The following FBN2 variants were observed in gnomAD, a reference collection of about 807,000 sequenced individuals.
FBN2 encodes fibrillin 2.
Under a neutral mutation model 355.6 loss-of-function variants are expected in FBN2, and 105 were observed. The observed-to-expected ratio is 0.30, with a 90% CI of 0.25 to 0.35. The LOEUF (loss-of-function observed/expected upper bound fraction) is 0.35. Ranked by LOEUF, FBN2 falls within the 10% of genes least tolerant of loss-of-function variation. The pLI is 1.00. For synonymous variants in FBN2, 1,350 were observed against 1,301.2 expected (o/e 1.04, Z -0.81); for missense variants, 3,280 against 3,758.7 (o/e 0.87, Z 3.33).
intron 7 of FBN2, among the ~76,000 whole-genome samples, chr5:128,436,664 CT>C (rs201918865): frequency 6.0e-4 from 82 of 137,084 alleles, no homozygotes; most frequent in African/African-American, 1.5e-3. Flanking sequence ...AGTGGCTCCA[CT>C]TAAAAAAAAA....
At chr5:128,390,529 T>G (rs1214933192) in intron 11 of FBN2, among the ~76,000 whole-genome samples, 1 of 152,204 alleles carries the variant, frequency 6.6e-6, no homozygotes, top group East Asian at 1.9e-4. Flanking sequence ...AAGAATATAA[T>G]TGGTGAAGCC....
chr5:128,496,068 G>A (rs188827585), intron 5 of FBN2, among the ~76,000 whole-genome samples: 1 of 151,964 alleles, frequency 6.6e-6, no homozygotes, highest in South Asian at 2.1e-4. Context: ...ACAAAGAAAG[G>A]CCCAGGCCCA....
chr5:128,292,883 C>G (rs1323956576), intron 48 of FBN2, among the ~76,000 whole-genome samples: 2 of 152,152 alleles, frequency 1.3e-5, no homozygotes, highest in Middle Eastern at 3.2e-3. Context: ...TAACCTCCTG[C>G]GGTGCTCCCA....
intron 55 of FBN2, among the ~76,000 whole-genome samples, chr5:128,286,245 T>G (rs986367983): frequency 6.6e-6 from 1 of 152,202 alleles, no homozygotes; most frequent in African/African-American, 2.4e-5. Context: ...ATTTGTTGTA[T>G]ATATAATTTT....
intron 59 of FBN2, 51 bp downstream of exon 59, chr5:128,275,987 G>T: frequency 6.3e-7 from 1 of 1,598,666 alleles, no homozygotes; most frequent in Non-Finnish European, 8.6e-7. Flanking sequence ...ATTTAAATTT[G>T]AAAGAAAAGA....
At chr5:128,497,435 C>A (rs1422286853) in intron 5 of FBN2, among the ~76,000 whole-genome samples, 1 of 152,174 alleles carries the variant, frequency 6.6e-6, no homozygotes, top group East Asian at 1.9e-4. Flanking sequence ...GTGGGGGCAA[C>A]AAGTCCACTT....
At chr5:128,308,695 C>T (rs1749951755) in intron 41 of FBN2, among the ~76,000 whole-genome samples, 1 of 151,846 alleles carries the variant, frequency 6.6e-6, no homozygotes, top group Admixed American at 6.6e-5. Context: ...AAAACATGAC[C>T]AAGTGAAGAC....
At chr5:128,328,288 AC>A in intron 34 of FBN2, 1 of 382,342 alleles carries the variant, frequency 2.6e-6, no homozygotes, top group South Asian at 2.6e-5. Context: ...AGCAGTCTCA[AC>A]CACGAAGGTA....
chr5:128,303,940 C>T (rs977736275), intron 45 of FBN2, among the ~76,000 whole-genome samples: 1 of 152,034 alleles, frequency 6.6e-6, no homozygotes, highest in Non-Finnish European at 1.5e-5. Context: ...CCTGTATATT[C>T]CTTTGTATAA....
chr5:128,335,521 C>T lies in FBN2; in HGVS notation c.3781G>A (p.Glu1261Lys), dbSNP rs914064135. The T allele has an allele frequency of 6.2e-7, 1 of 1,613,934 alleles. No homozygotes were observed. Among genetic ancestry groups the T allele is most frequent in the African/African-American group, 1.3e-5 (1 of 75,052 alleles). ...GGCDTQCTNS[E>K]GSYECSCSEG... is the part of the protein sequence containing the mutation. ...CTGCAGCTGCATTCGTAGCTTCCCT[C>T]TGAATTTGTGCACTGGGTGTCACAG... Residue 1261 changes from glutamate to lysine, a missense_variant, in exon 29 of 65, where the codon GAG (glutamate) becomes AAG (lysine). By Grantham distance (56) the Glu-to-Lys change is moderately conservative (BLOSUM62 1). Around this residue, in one of 6 missense-constraint regions of FBN2, gnomAD observed 2,284 missense variants for 2,749.5 expected, o/e 0.83. Coordinates refer to ENST00000262464, the MANE Select transcript of FBN2 (RefSeq NM_001999.4).
chr5:128,345,653 G>A lies in FBN2; in HGVS notation c.2990-69C>T, dbSNP rs148609698. The A allele has an allele frequency of 1.6e-4, 226 of 1,398,442 alleles. No individual in the cohort carries two copies. In the African/African-American group the frequency reaches 2.6e-3, roughly 16 times the overall value. 86.6% of individuals were successfully genotyped at this position (1,398,442 alleles called of 1,614,324 possible). On this transcript the variant is annotated intron_variant, in intron 23 of 64. Transcript: ENST00000262464. The stretch of plus-strand genomic sequence containing the variant: ...TCCATTGAACAGTCACATGTCAAGC[G>A]TCTGCTCAGCACCAGGCATCATGCA...
At chr5:128,519,711 C>T (rs1427990549) in intron 4 of FBN2, among the ~76,000 whole-genome samples, 5 of 151,126 alleles carry the variant, frequency 3.3e-5, no homozygotes, top group African/African-American at 1.2e-4. Context: ...GTACTACTAA[C>T]CCTATAATCT....
intron 9 of FBN2, 63 bp downstream of exon 9, chr5:128,395,059 C>T (rs1227719854): frequency 1.8e-5 from 28 of 1,584,986 alleles, no homozygotes; most frequent in Non-Finnish European, 2.3e-5. Context: ...GAGCAAAATA[C>T]AGTACTGCTA....
At chr5:128,328,577 T>C (rs1750614578) in intron 34 of FBN2, 119 bp downstream of exon 34, 6 of 1,044,412 alleles carry the variant, frequency 5.7e-6, no homozygotes, top group Non-Finnish European at 8.7e-6. Flanking sequence ...GAATGACTTT[T>C]ATAGTGCAGC....
At chr5:128,365,289 C>G (rs531408036) in intron 17 of FBN2, 3 of 154,510 alleles carry the variant, frequency 1.9e-5, no homozygotes, top group Admixed American at 6.4e-5. Context: ...ATGACTACTA[C>G]TACTATATCA....
chr5:128,427,464 G>A (rs1159202720), intron 7 of FBN2, among the ~76,000 whole-genome samples: 6 of 152,102 alleles, frequency 3.9e-5, no homozygotes, highest in African/African-American at 1.4e-4. Context: ...CAGACCAAGG[G>A]GAACTGAGGA....
chr5:128,510,784 T>A (rs1756092267), intron 5 of FBN2, among the ~76,000 whole-genome samples: 2 of 152,160 alleles, frequency 1.3e-5, no homozygotes, highest in African/African-American at 4.8e-5. Flanking sequence ...TGTGCCTTGT[T>A]ATCAGTACTC....
intron 6 of FBN2, 47 bp downstream of exon 6, chr5:128,464,677 G>T: frequency 1.3e-6 from 2 of 1,589,926 alleles, no homozygotes; most frequent in Non-Finnish European, 1.7e-6. Flanking sequence ...AACAAAAAGA[G>T]AAGTGGCAGG....
intron 5 of FBN2, among the ~76,000 whole-genome samples, chr5:128,487,007 C>T (rs992596040): frequency 1.1e-4 from 17 of 152,216 alleles, no homozygotes; most frequent in African/African-American, 3.9e-4. Flanking sequence ...GTCATTAGTG[C>T]TGTTCCCAAT....
Sources: gnomAD v4.1 joint callset for allele counts (sites outside exome capture counted in the v4.1 genomes callset) on GRCh38, gnomAD v4.1.1 for gene constraint, gnomAD v4.1.1 regional missense constraint, MANE v1.5 for transcripts, NCBI Gene and HGNC (gene_info 2026-07-23, HGNC 2026-07-21) for gene names.